Variants in TENT5D observed in about 807,000 individuals in gnomAD.
TENT5D encodes terminal nucleotidyltransferase 5D.
For synonymous variants in TENT5D, 103 were observed against 100.6 expected (o/e 1.02, Z -0.15); for missense variants, 191 against 287.0 (o/e 0.67, Z 2.42).
intron 1 of TENT5D, among the ~76,000 whole-genome samples, chrX:80,434,922 A>G (rs1322328534): frequency 2.7e-5 from 3 of 109,111 alleles, no homozygotes; most frequent in African/African-American, 1.0e-4. Flanking sequence ...AGCTGAGACT[A>G]CAGGCATCCG....
upstream of TENT5D, among the ~76,000 whole-genome samples, chrX:80,418,961 T>C (rs1931830578): frequency 9.0e-6 from 1 of 111,639 alleles, no homozygotes. Context: ...TAGCTAACTC[T>C]TTGTTCATCA....
At chrX:80,431,271 G>T (rs1283341895) in intron 1 of TENT5D, among the ~76,000 whole-genome samples, 1 of 110,870 alleles carries the variant, frequency 9.0e-6, no homozygotes, top group Non-Finnish European at 1.9e-5. Context: ...TAGGGTATGG[G>T]GCCTGATCAC....
upstream of TENT5D, among the ~76,000 whole-genome samples, chrX:80,417,178 C>CT (rs1931793684): frequency 1.8e-5 from 2 of 110,156 alleles, no homozygotes; most frequent in African/African-American, 6.6e-5. Flanking sequence ...CATCTGTTTT[C>CT]TTTGAGTCTG....
chrX:80,352,257 C>G lies in TENT5D; in HGVS notation c.-142+9693C>G, dbSNP rs961162561. Among the ~76,000 whole-genome samples, 7 of 111,689 alleles carry G rather than the reference C, an allele frequency of 6.3e-5. No individual in the cohort carries two copies. The East Asian group carries it at 1.4e-3, about 23-fold the overall frequency. On this transcript the variant is annotated intron_variant, in intron 3 of 4. Coordinates refer to the TENT5D transcript ENST00000538312. ...GGAATGTTTAAGTCTGCTGAAGTTA[C>G]GCCCACAGCCCCCGCTTCCTCCAGG...
intron 3 of TENT5D, among the ~76,000 whole-genome samples, chrX:80,343,181 A>G (rs1929993630): frequency 9.0e-6 from 1 of 111,379 alleles, no homozygotes; most frequent in Admixed American, 9.6e-5. Flanking sequence ...CTCAGATATT[A>G]CATGTTTCTT....
chrX:80,405,153 T>G (rs911440189), intron 3 of TENT5D, among the ~76,000 whole-genome samples: 22 of 111,983 alleles, frequency 2.0e-4, no homozygotes, highest in African/African-American at 7.1e-4. Context: ...CTGAAAACAG[T>G]GAGACACAAT....
At chrX:80,351,410 C>G (rs1033924082) in intron 3 of TENT5D, among the ~76,000 whole-genome samples, 1 of 106,729 alleles carries the variant, frequency 9.4e-6, no homozygotes, top group African/African-American at 3.4e-5. Flanking sequence ...TCTTCAGTCT[C>G]TGATATTCTT....
At chrX:80,398,472 A>G (rs1931330372) in intron 3 of TENT5D, among the ~76,000 whole-genome samples, 2 of 110,292 alleles carry the variant, frequency 1.8e-5, no homozygotes, top group African/African-American at 3.3e-5. Flanking sequence ...TATTTATACA[A>G]TCTTTTCCCA....
intron 2 of TENT5D, 145 bp from the exon 3 acceptor site, chrX:80,442,377 A>T: frequency 7.4e-6 from 3 of 403,002 alleles, no homozygotes; most frequent in Non-Finnish European, 1.3e-5. Context: ...TTATATTTAA[A>T]CATGATTAAA....
intron 1 of TENT5D, among the ~76,000 whole-genome samples, chrX:80,435,781 A>G (rs1308396377): frequency 8.9e-6 from 1 of 112,670 alleles, no homozygotes; most frequent in Non-Finnish European, 1.9e-5. Flanking sequence ...GTTGGACTCT[A>G]AACACATATT....
At chrX:80,367,306 C>T (rs921843025) in intron 3 of TENT5D, among the ~76,000 whole-genome samples, 1 of 111,333 alleles carries the variant, frequency 9.0e-6, no homozygotes, top group Admixed American at 9.6e-5. Flanking sequence ...TCATCTCACC[C>T]CAGTTAAAAT....
intron 3 of TENT5D, among the ~76,000 whole-genome samples, chrX:80,405,842 A>G (rs1301716780): frequency 8.9e-6 from 1 of 111,954 alleles, no homozygotes; most frequent in Non-Finnish European, 1.9e-5. Flanking sequence ...GCAGACTTAA[A>G]TGTCCCTGTC....
chrX:80,397,327 C>T (rs1462571065), intron 3 of TENT5D, among the ~76,000 whole-genome samples: 22 of 99,941 alleles, frequency 2.2e-4, no homozygotes, highest in East Asian at 6.6e-4. Flanking sequence ...ACATCTCAGA[C>T]GATGGGCGGC....
chrX:80,437,761 C>G (rs1263291768), intron 1 of TENT5D, among the ~76,000 whole-genome samples: 1 of 111,296 alleles, frequency 9.0e-6, no homozygotes, highest in African/African-American at 3.3e-5. Context: ...TTCCAATAGT[C>G]AAATCATGTT....
chrX:80,402,761 A>G (rs1257826007), intron 3 of TENT5D, among the ~76,000 whole-genome samples: 1 of 112,015 alleles, frequency 8.9e-6, no homozygotes, highest in Admixed American at 9.5e-5. Flanking sequence ...TTGATATGAT[A>G]TCAGTGTTCT....
rs1280649654 is a variant in TENT5D, at chrX:80,380,780, C to A, written c.-142+38216C>A. Among the ~76,000 whole-genome samples the A allele has an allele frequency of 4.5e-5, 5 of 111,161 alleles. No individual in the cohort carries two copies. The East Asian group carries it at 1.4e-3, about 31-fold the overall frequency. The stretch of plus-strand genomic sequence containing the variant: ...GTTTTATCAGAGACTAGGATTGCAA[C>A]CCCTGCTTTTTTTTGCTTTCCATTT... On this transcript the variant is annotated intron_variant, in intron 3 of 4. Transcript: ENST00000538312.
In TENT5D at chrX:80,400,000, A is replaced by T. The variant is rs746451312; in HGVS notation, c.-141-38610A>T. Among the ~76,000 whole-genome samples, 3 of 111,370 alleles carry T rather than the reference A, an allele frequency of 2.7e-5. No homozygotes were observed. In the South Asian group the frequency reaches 1.1e-3, roughly 43 times the overall value. ...TATATTAGGGGAATTGGCTCAGATG[A>T]TTAAAGTGGCCAAGGCATCCCATTA... On this transcript the variant is annotated intron_variant, in intron 3 of 4. Coordinates refer to the TENT5D transcript ENST00000538312.
chrX:80,434,818 T>G (rs1932155025), intron 1 of TENT5D, among the ~76,000 whole-genome samples: 1 of 106,477 alleles, frequency 9.4e-6, no homozygotes, highest in Non-Finnish European at 1.9e-5. Context: ...AGTCTCTCTT[T>G]GTCGCCTAGG....
chrX:80,425,661 A>C (rs775036502), intron 1 of TENT5D, among the ~76,000 whole-genome samples: 9 of 112,621 alleles, frequency 8.0e-5, no homozygotes, highest in Non-Finnish European at 1.5e-4. Context: ...AGATAATTTC[A>C]ATTATAATTG....
Sources: gnomAD v4.1 joint callset for allele counts (sites outside exome capture counted in the v4.1 genomes callset) on GRCh38, gnomAD v4.1.1 for gene constraint, MANE v1.5 for transcripts, NCBI Gene and HGNC (gene_info 2026-07-23, HGNC 2026-07-21) for gene names.